DOCK9: variants seen among roughly 807,000 people sequenced by gnomAD.
The protein encoded by DOCK9 is dedicator of cytokinesis 9, also known as dedicator of cytokinesis protein 9.
In DOCK9, 89 loss-of-function variants were observed where a neutral mutation model predicts 263.3. The ratio of observed to expected loss-of-function variants is 0.34; its 90% CI spans 0.28 to 0.40. The LOEUF is 0.40. Ranked by LOEUF, DOCK9 falls within the 10% of genes least tolerant of loss-of-function variation. The pLI is 1.00. For missense variants in DOCK9, 2,140 were observed against 2,603.4 expected (o/e 0.82, Z 3.87); for synonymous variants, 976 against 973.1 (o/e 1.00, Z -0.06).
At chr13:98,958,555 G>C (rs1249510645) in intron 1 of DOCK9, among the ~76,000 whole-genome samples, 1 of 152,222 alleles carries the variant, frequency 6.6e-6, no homozygotes, top group Non-Finnish European at 1.5e-5. Context: ...CTGCCATTGC[G>C]GCACAAAAGC....
At chr13:99,052,710 C>A (rs1164841110) in intron 1 of DOCK9, among the ~76,000 whole-genome samples, 3 of 151,942 alleles carry the variant, frequency 2.0e-5, no homozygotes, top group Non-Finnish European at 4.4e-5. Context: ...AAGTGGTCCT[C>A]CTACGTCAGA....
chr13:98,928,020 C>CAA (rs200359597), intron 3 of DOCK9, among the ~76,000 whole-genome samples: 1 of 47,762 alleles, frequency 2.1e-5, no homozygotes, highest in South Asian at 5.7e-4. Flanking sequence ...AAAAAAAAAA[C>CAA]AAAAAAAAAC....
At chr13:98,838,515 A>G (rs1195907520) in intron 38 of DOCK9, among the ~76,000 whole-genome samples, 1 of 152,240 alleles carries the variant, frequency 6.6e-6, no homozygotes, top group African/African-American at 2.4e-5. Context: ...TGTTTAGAAA[A>G]AGAAAAGGAC....
At chr13:98,988,121 T>C (rs986444384) in intron 1 of DOCK9, among the ~76,000 whole-genome samples, 16 of 152,224 alleles carry the variant, frequency 1.1e-4, no homozygotes, top group African/African-American at 3.6e-4. Context: ...TTTAAGTTAT[T>C]TATTACCACT....
chr13:98,962,069 T>C (rs2058696126), intron 1 of DOCK9, among the ~76,000 whole-genome samples: 1 of 152,210 alleles, frequency 6.6e-6, no homozygotes, highest in Admixed American at 6.5e-5. Flanking sequence ...GAAACTTTTC[T>C]AAACTCTCAA....
chr13:98,887,566 A>T (rs1435126825), intron 18 of DOCK9, among the ~76,000 whole-genome samples: 1 of 138,382 alleles, frequency 7.2e-6, no homozygotes, highest in Admixed American at 7.9e-5. Flanking sequence ...CAGTGAGCCG[A>T]GATCACACCA....
intron 22 of DOCK9, among the ~76,000 whole-genome samples, chr13:98,883,575 G>A (rs1223861214): frequency 6.6e-6 from 1 of 152,146 alleles, no homozygotes; most frequent in African/African-American, 2.4e-5. Context: ...AATTGATCGT[G>A]TACAAATAAC....
chr13:98,956,465 A>G (rs2058073990), intron 1 of DOCK9, among the ~76,000 whole-genome samples: 2 of 152,212 alleles, frequency 1.3e-5, no homozygotes, highest in African/African-American at 4.8e-5. Flanking sequence ...AACTAAGTCC[A>G]GGGCAGGCGT....
intron 4 of DOCK9, 92 bp from the exon 5 acceptor site, chr13:98,923,463 C>T: frequency 9.6e-7 from 1 of 1,044,884 alleles, no homozygotes; most frequent in Non-Finnish European, 1.5e-6. Flanking sequence ...CCGGCCTTTA[C>T]TAAATCCAAA....
In DOCK9 at chr13:98,888,442, G is replaced by T. The variant is rs376943227; in HGVS notation, c.1895C>A (p.Thr632Asn). The T allele has an allele frequency of 1.4e-5, 22 of 1,613,856 alleles. No individual in the cohort carries two copies. The highest frequency in any genetic ancestry group is 1.6e-4 in the Middle Eastern group (1 of 6,084). Residue 632 changes from threonine to asparagine, a missense_variant, in exon 17 of 53, where the codon ACT becomes AAT. Physicochemically the swap from Thr to Asn is moderately conservative, Grantham distance 65 (BLOSUM62 0). Around this residue, in one of 2 missense-constraint regions of DOCK9, gnomAD observed 1,521 missense variants for 1,741.7 expected, o/e 0.87. Transcript: ENST00000682017. The stretch of plus-strand genomic sequence containing the variant: ...ATTGGTGTAGATGGTGTAAGGCTGA[G>T]TGTGTTTTGGTATGCAGGGCACAAA... ...EEFVPCIPKH[T>N]QPYTIYTNHL...
intron 38 of DOCK9, among the ~76,000 whole-genome samples, chr13:98,842,123 T>G (rs904707850): frequency 6.6e-6 from 1 of 152,198 alleles, no homozygotes; most frequent in Non-Finnish European, 1.5e-5. Context: ...AATTTAATGA[T>G]CACCTATATT....
intron 13 of DOCK9, among the ~76,000 whole-genome samples, chr13:98,899,213 G>A (rs1403163875): frequency 1.3e-5 from 2 of 152,054 alleles, no homozygotes; most frequent in African/African-American, 2.4e-5. Flanking sequence ...GGATCAGAAC[G>A]TGCGTTCTGA....
chr13:98,895,322 T>C (rs2047246076), intron 15 of DOCK9, among the ~76,000 whole-genome samples: 2 of 152,036 alleles, frequency 1.3e-5, no homozygotes, highest in Admixed American at 1.3e-4. Context: ...TGATCATAGC[T>C]ACATAAGATA....
chr13:99,064,316 T>A (rs1338142378), intron 1 of DOCK9, among the ~76,000 whole-genome samples: 1 of 152,164 alleles, frequency 6.6e-6, no homozygotes, highest in Non-Finnish European at 1.5e-5. Flanking sequence ...TGTCACTATA[T>A]TGATAAATAA....
intron 49 of DOCK9, 51 bp downstream of exon 49, chr13:98,804,948 T>C: frequency 2.6e-6 from 4 of 1,544,838 alleles, no homozygotes; most frequent in Non-Finnish European, 3.5e-6. Context: ...TCTGGACAGC[T>C]CTTTGGCGAG....
At chr13:98,897,640 G>C (rs773071421) in intron 14 of DOCK9, 30 bp from the exon 15 acceptor site, 1 of 1,607,066 alleles carries the variant, frequency 6.2e-7, no homozygotes, top group Admixed American at 1.7e-5. Flanking sequence ...TTTCTAAACT[G>C]GGTTTCCAAA....
At chr13:99,012,279 C>T (rs569914846) in intron 1 of DOCK9, among the ~76,000 whole-genome samples, 5 of 152,260 alleles carry the variant, frequency 3.3e-5, no homozygotes, top group African/African-American at 1.2e-4. Flanking sequence ...AAGCTTAGAT[C>T]AGAAACAGAA....
At position 98,888,796 on chromosome 13, in the gene DOCK9, T is replaced by A. The variant is rs913371196; in HGVS notation, c.1710-85A>T. ...TAGAGCAGCACTTCCAAGAGAAATA[T>A]AAAGCAAGCCATAAAGACAATTTTA... On this transcript the variant is annotated intron_variant, in intron 15 of 52. Transcript: ENST00000682017. The A allele has an allele frequency of 5.9e-5, 69 of 1,163,656 alleles. No individual in the cohort carries two copies. Among genetic ancestry groups the A allele is most frequent in the East Asian group, 4.4e-4 (18 of 41,314 alleles). 72.1% of individuals were successfully genotyped at this position (1,163,656 alleles called of 1,614,324 possible). A position where few individuals can be genotyped will look rare whatever the true frequency, so the allele number is the denominator to read the frequency against.
At chr13:98,880,229 G>A (rs532293189) in intron 26 of DOCK9, among the ~76,000 whole-genome samples, 8 of 152,120 alleles carry the variant, frequency 5.3e-5, no homozygotes, top group African/African-American at 1.9e-4. Context: ...GAGGCTCTGT[G>A]GGGTTACGGG....
Sources: allele counts gnomAD v4.1 joint callset (sites outside exome capture counted in the v4.1 genomes callset), GRCh38; gene constraint gnomAD v4.1.1; regional missense constraint gnomAD v4.1.1; transcripts MANE v1.5; gene names NCBI Gene and HGNC (gene_info 2026-07-23, HGNC 2026-07-21).